The following TMEM178A variants were observed in gnomAD, a reference collection of about 807,000 sequenced individuals.
TMEM178A encodes transmembrane protein 178A, also known as transmembrane protein 178.
TMEM178A carries 12 observed loss-of-function variants against 29.1 expected under a neutral mutation model. That is an observed-to-expected ratio of 0.41 (90% CI 0.26 to 0.67). The LOEUF (loss-of-function observed/expected upper bound fraction) is 0.67, where lower values mean the gene tolerates loss of function less well. Among genes scored for constraint, TMEM178A ranks in the 30% least tolerant of loss-of-function variants. The pLI, the probability that TMEM178A is intolerant of heterozygous loss-of-function variation, is 0.29. For missense variants in TMEM178A, 366 were observed against 419.1 expected, an observed-to-expected ratio of 0.87 and a Z score of 1.11; for synonymous variants, 210 against 187.2, an observed-to-expected ratio of 1.12 and a Z score of -0.99.
intron 1 of TMEM178A, among the ~76,000 whole-genome samples, chr2:39,688,443 C>A (rs1197518001): frequency 6.6e-6 from 1 of 152,250 alleles, no homozygotes; most frequent in Non-Finnish European, 1.5e-5. Context: ...CCTGCTGCTG[C>A]CACTAATGGC....
chr2:39,699,606 G>A (rs1268268989), intron 1 of TMEM178A, among the ~76,000 whole-genome samples: 1 of 151,872 alleles, frequency 6.6e-6, no homozygotes, highest in African/African-American at 2.4e-5. Context: ...ACAGGTGCGT[G>A]CCATCATGCC....
chr2:39,732,623 T>A, the TMEM178A span, among the ~76,000 whole-genome samples: 1 of 152,176 alleles, frequency 6.6e-6, no homozygotes, highest in Non-Finnish European at 1.5e-5. Context: ...TTAACTTGCA[T>A]AGGAGAGCTT....
chr2:39,727,730 C>T, the TMEM178A span, among the ~76,000 whole-genome samples: 5 of 150,236 alleles, frequency 3.3e-5, no homozygotes, highest in African/African-American at 1.2e-4. Context: ...CCCCACCCCT[C>T]GACAGGCCCC....
At chr2:39,729,673 A>G in the TMEM178A span, among the ~76,000 whole-genome samples, 393 of 152,322 alleles carry the variant, frequency 2.6e-3, no homozygotes, top group African/African-American at 8.8e-3. Context: ...GGTGGCTTCC[A>G]TTCCTCCTCT....
At chr2:39,666,554 C>T (rs1394963517) in intron 1 of TMEM178A, among the ~76,000 whole-genome samples, 180 bp downstream of exon 1, 1 of 152,088 alleles carries the variant, frequency 6.6e-6, no homozygotes, top group Non-Finnish European at 1.5e-5. Flanking sequence ...CACTGCCTCC[C>T]TTCTTCTCCC....
At chr2:39,732,250 C>A in the TMEM178A span, among the ~76,000 whole-genome samples, 1 of 152,170 alleles carries the variant, frequency 6.6e-6, no homozygotes, top group Non-Finnish European at 1.5e-5. Context: ...GCAAAACTTG[C>A]AGAGTCATCT....
At chr2:39,732,481 C>T in the TMEM178A span, among the ~76,000 whole-genome samples, 385 of 152,234 alleles carry the variant, frequency 2.5e-3, 4 homozygotes, top group African/African-American at 7.7e-3. Flanking sequence ...TGGGTCCATG[C>T]GACTTTTGGC....
intron 2 of TMEM178A, 93 bp from the exon 3 acceptor site, chr2:39,706,956 A>G: frequency 6.9e-7 from 1 of 1,446,162 alleles, no homozygotes; most frequent in Non-Finnish European, 9.3e-7. Flanking sequence ...GTAACTTACT[A>G]ATTTTCACAA....
Position 39,666,048 on chromosome 2 carries a change from C to T in TMEM178A, c.74C>T (p.Ala25Val). 1 of 1,562,154 alleles carries T rather than the reference C, an allele frequency of 6.4e-7. No individual in the cohort carries two copies. The highest frequency in any genetic ancestry group is 8.6e-7 in the Non-Finnish European group (1 of 1,157,814). ...SLCSLGLLVT[A>V]IFTDHWYETD... ...TGCTCCCTGGGGCTGCTCGTCACGG[C>T]CATCTTCACCGACCACTGGTACGAG... The change falls in exon 1 of 4, where the codon GCC (alanine) becomes GTC (valine). Residue 25 changes from alanine to valine, a missense_variant. By Grantham distance (64) the Ala-to-Val change is moderately conservative (BLOSUM62 0). This residue lies in a region of TMEM178A where 247 missense variants were observed against 246.8 expected (regional missense o/e 1.00). Coordinates refer to ENST00000281961, the MANE Select transcript of TMEM178A (RefSeq NM_152390.3).
chr2:39,704,000 G>C, intron 1 of TMEM178A, 81 bp from the exon 2 acceptor site: 1 of 1,147,810 alleles, frequency 8.7e-7, no homozygotes, highest in Non-Finnish European at 1.3e-6. Flanking sequence ...ACCCAGGTTA[G>C]GTTACGGTAT....
chr2:39,708,188 T>C (rs1288453603), intron 3 of TMEM178A, among the ~76,000 whole-genome samples: 4 of 151,984 alleles, frequency 2.6e-5, no homozygotes, highest in African/African-American at 9.7e-5. Flanking sequence ...AAGCAGCCGG[T>C]GGTAGGAAGA....
At chr2:39,693,996 T>C (rs1408508428) in intron 1 of TMEM178A, among the ~76,000 whole-genome samples, 1 of 150,766 alleles carries the variant, frequency 6.6e-6, no homozygotes, top group East Asian at 1.9e-4. Context: ...TCTGTGATGA[T>C]GTTTACTATC....
At chr2:39,670,402 T>C (rs1670362291) in intron 1 of TMEM178A, among the ~76,000 whole-genome samples, 1 of 152,224 alleles carries the variant, frequency 6.6e-6, no homozygotes, top group Admixed American at 6.5e-5. Flanking sequence ...AATCCCTGCC[T>C]TCATAGAGTT....
At chr2:39,732,695 C>G in the TMEM178A span, among the ~76,000 whole-genome samples, 1 of 152,302 alleles carries the variant, frequency 6.6e-6, no homozygotes, top group African/African-American at 2.4e-5. Flanking sequence ...TTGCTGCAGG[C>G]TTCACACACC....
intron 3 of TMEM178A, among the ~76,000 whole-genome samples, chr2:39,715,739 G>A (rs1479946921): frequency 6.6e-6 from 1 of 152,134 alleles, no homozygotes; most frequent in Non-Finnish European, 1.5e-5. Context: ...TTCAGGCAAC[G>A]TGCTCTTACA....
chr2:39,723,671 T>C, the TMEM178A span, among the ~76,000 whole-genome samples: 1 of 152,328 alleles, frequency 6.6e-6, no homozygotes, highest in East Asian at 1.9e-4. Context: ...TTATAAACCA[T>C]ATCTTGTTAC....
downstream of TMEM178A, among the ~76,000 whole-genome samples, chr2:39,720,863 A>C (rs1672690527): frequency 6.6e-6 from 1 of 152,208 alleles, no homozygotes; most frequent in African/African-American, 2.4e-5. Flanking sequence ...AAGCAAGGAA[A>C]CCTCATTAGA....
At chr2:39,719,227 C>T (rs1490010238), downstream of TMEM178A, among the ~76,000 whole-genome samples, 2 of 152,174 alleles carry the variant, frequency 1.3e-5, no homozygotes, top group African/African-American at 2.4e-5. Context: ...TCTTTGAAGT[C>T]TTCTTTAAAG....
At position 39,717,385 on chromosome 2, in the gene TMEM178A, A is replaced by G. The variant is rs1672592794; in HGVS notation, c.*134A>G. The G allele has an allele frequency of 2.3e-6, 3 of 1,316,338 alleles. No individual in the cohort carries two copies. Among genetic ancestry groups the G allele is most frequent in the Admixed American group, 5.9e-5 (2 of 34,004 alleles). The allele number at this position is 1,316,338 out of a possible 1,614,324, so 81.5% of individuals were successfully genotyped here. A position where few individuals can be genotyped will look rare whatever the true frequency, so the allele number is the denominator to read the frequency against. On this transcript the variant is annotated 3_prime_UTR_variant, in exon 4 of 4. Coordinates refer to ENST00000281961, the MANE Select transcript of TMEM178A (RefSeq NM_152390.3). ...CAGCCCTTTCTGGATTACTGATAGA[A>G]AATCATGCAAAACCTCCCAACCTTT...
Sources: gnomAD v4.1 joint callset for allele counts (sites outside exome capture counted in the v4.1 genomes callset) on GRCh38, gnomAD v4.1.1 for gene constraint, gnomAD v4.1.1 regional missense constraint, MANE v1.5 for transcripts, NCBI Gene and HGNC (gene_info 2026-07-23, HGNC 2026-07-21) for gene names.